The following TBKBP1 variants were observed in gnomAD, a reference collection of about 807,000 sequenced individuals.
TBKBP1 encodes TANK-binding kinase 1-binding protein 1.
In TBKBP1, 47 loss-of-function variants were observed where a neutral mutation model predicts 69.9. The observed-to-expected ratio is 0.67, with a 90% CI of 0.53 to 0.86. The LOEUF (loss-of-function observed/expected upper bound fraction) is 0.86, where lower values mean the gene tolerates loss of function less well. Among genes scored for constraint, TBKBP1 ranks in the 40% least tolerant of loss-of-function variants. The probability of loss-of-function intolerance (pLI) is 0.00; values close to 1 mark genes in which losing one functional copy is unlikely to be tolerated. For synonymous variants in TBKBP1, 418 were observed against 390.3 expected (o/e 1.07, Z -0.84); for missense variants, 831 against 858.6 (o/e 0.97, Z 0.40).
Position 47,708,553 on chromosome 17 carries a change from G to A in TBKBP1, c.991+41G>A, listed in dbSNP as rs2031780072. ...GCAGGGGGAGGCAGCCGCGGGACCC[G>A]GGAAGGAGCGGGTAGCCATGGCAAC... On this transcript the variant is annotated intron_variant, in intron 8 of 9. Transcript: ENST00000578982. This position sits in a 1 kb window ranked among gnomAD's most constrained non-coding sequence, Gnocchi z 4.4. 1.9e-6 allele frequency: 3 copies of A among 1,599,414 alleles called. No homozygotes were observed. In the Admixed American group the frequency reaches 5.0e-5, roughly 27 times the overall value.
In TBKBP1 at chr17:47,708,631, G is replaced by T; in HGVS notation, c.992-94G>T. ...TTTCCTTTCCTGTGGCCTGGAGTTG[G>T]TGGGCATGGGTCCGGGCAAGCCCCT... On this transcript the variant is annotated intron_variant, in intron 8 of 9. Transcript: ENST00000578982. The surrounding 1 kb of genome is among the most constrained non-coding windows in gnomAD (Gnocchi z 4.4). 1 of 1,420,194 alleles carries T rather than the reference G, an allele frequency of 7.0e-7. No homozygotes were observed. The highest frequency in any genetic ancestry group is 9.5e-7 in the Non-Finnish European group (1 of 1,051,212). The allele number at this position is 1,420,194 out of a possible 1,614,324, so 88.0% of individuals were successfully genotyped here. A position where few individuals can be genotyped will look rare whatever the true frequency, so the allele number is the denominator to read the frequency against.
intron 1 of TBKBP1, among the ~76,000 whole-genome samples, chr17:47,694,949 A>T (rs1358158090): frequency 1.3e-5 from 2 of 151,752 alleles, no homozygotes; most frequent in African/African-American, 4.8e-5. Context: ...AAGCTCCTGC[A>T]GCCCGACCTG....
At chr17:47,702,370 A>G (rs1248854924) in intron 7 of TBKBP1, among the ~76,000 whole-genome samples, 4 of 152,024 alleles carry the variant, frequency 2.6e-5, no homozygotes, top group African/African-American at 9.7e-5. Context: ...GGTACACCCA[A>G]TTCCTGAGTC....
chr17:47,696,673 C>G (rs368684042), intron 2 of TBKBP1, 38 bp from the exon 3 acceptor site: 1 of 1,613,382 alleles, frequency 6.2e-7, no homozygotes, highest in Non-Finnish European at 8.5e-7. Flanking sequence ...GCTGGGCACC[C>G]GGGAATCCAC....
intron 9 of TBKBP1, 150 bp downstream of exon 9, chr17:47,709,602 C>T (rs1567911472): frequency 1.7e-6 from 2 of 1,199,636 alleles, no homozygotes; most frequent in East Asian, 3.2e-5. Context: ...AGTCTAGGTC[C>T]TTTCACCTCC....
At chr17:47,694,240 CGGGCTGGGCCCCA>C (rs2031110151) in intron 1 of TBKBP1, 46 bp downstream of exon 1, 1 of 81,894 alleles carries the variant, frequency 1.2e-5, no homozygotes, top group Non-Finnish European at 2.4e-5. Context: ...GAGCGGCGCC[CGGGCTGGGCCCCA>C]GGGGTCGCGG....
intron 1 of TBKBP1, among the ~76,000 whole-genome samples, chr17:47,694,891 G>A (rs996288813): frequency 2.8e-5 from 4 of 144,234 alleles, no homozygotes; most frequent in African/African-American, 7.5e-5. Flanking sequence ...GTGGCGGAGG[G>A]GGGGGGGTGG....
chr17:47,699,272 C>G, intron 5 of TBKBP1, 48 bp from the exon 6 acceptor site: 4 of 1,459,406 alleles, frequency 2.7e-6, no homozygotes, highest in South Asian at 1.5e-5. Flanking sequence ...GCTCTGGGAG[C>G]TGGAGGAGGC....
chr17:47,698,825 C>G, intron 5 of TBKBP1, 50 bp downstream of exon 5: 2 of 1,464,914 alleles, frequency 1.4e-6, no homozygotes, highest in Non-Finnish European at 1.8e-6. Flanking sequence ...ACCCCCATTT[C>G]AACATTCCTA....
intron 2 of TBKBP1, 69 bp from the exon 3 acceptor site, chr17:47,696,635 TTGGGGGC>T: frequency 6.2e-7 from 1 of 1,605,816 alleles, no homozygotes; most frequent in Non-Finnish European, 8.5e-7. Flanking sequence ...AGGTTGTGGG[TTGGGGGC>T]ACAGCCAGGC....
intron 5 of TBKBP1, 145 bp from the exon 6 acceptor site, chr17:47,699,175 C>T: frequency 1.1e-6 from 1 of 889,892 alleles, no homozygotes; most frequent in East Asian, 3.1e-5. Flanking sequence ...TCTTTCCTCG[C>T]TGCCCTTGTC....
In TBKBP1 at chr17:47,708,388, C is replaced by T. The variant is rs1387566075; in HGVS notation, c.873-6C>T. 6.2e-7 allele frequency: 1 copy of T among 1,613,690 alleles called. No individual in the cohort carries two copies. The highest frequency in any genetic ancestry group is 1.3e-5 in the African/African-American group (1 of 74,914). On this transcript the variant is annotated splice_region_variant and splice_polypyrimidine_tract_variant and intron_variant, in intron 7 of 9. Coordinates refer to ENST00000578982, the MANE Select transcript of TBKBP1 (RefSeq NM_001394755.1). This position sits in a 1 kb window ranked among gnomAD's most constrained non-coding sequence, Gnocchi z 4.4. ...TCTCGTCTTTCCCACTGCCCTCTGA[C>T]TTCAGGGTGAATTTGGCGCTGGCCT...
chr17:47,706,828 GACACACACACACACAC>G (rs55849029), intron 7 of TBKBP1, among the ~76,000 whole-genome samples: 22 of 134,222 alleles, frequency 1.6e-4, no homozygotes, highest in South Asian at 2.5e-4. Context: ...GTTAGACTTA[GACACACACACACACAC>G]ACACACACAC....
At chr17:47,699,839 T>TG in intron 7 of TBKBP1, 142 bp downstream of exon 7, 1 of 879,690 alleles carries the variant, frequency 1.1e-6, no homozygotes, top group Non-Finnish European at 1.8e-6. Flanking sequence ...TTTTTTTTTT[T>TG]GAGATGGAGT....
At chr17:47,710,386 C>T (rs1042709196) in intron 9 of TBKBP1, 112 bp from the exon 10 acceptor site, 3 of 1,438,702 alleles carry the variant, frequency 2.1e-6, no homozygotes, top group Non-Finnish European at 2.8e-6. Flanking sequence ...GGCTGGACCC[C>T]TCCTGCATGC....
At chr17:47,695,247 C>T (rs2031175751) in intron 1 of TBKBP1, 1 of 153,004 alleles carries the variant, frequency 6.5e-6, no homozygotes, top group African/African-American at 2.4e-5. Context: ...CCCAGACACA[C>T]ATTCATAACC....
chr17:47,704,986 C>T (rs2031647028), intron 7 of TBKBP1, among the ~76,000 whole-genome samples: 1 of 152,230 alleles, frequency 6.6e-6, no homozygotes, highest in Admixed American at 6.5e-5. Context: ...CTGCTGTGTG[C>T]CACTGCCACT....
intron 4 of TBKBP1, 55 bp from the exon 5 acceptor site, chr17:47,698,540 A>G: frequency 6.7e-7 from 1 of 1,500,276 alleles, no homozygotes; most frequent in Non-Finnish European, 8.9e-7. Context: ...ATGACTCTCC[A>G]GACATGGGGA....
chr17:47,709,221 C>T lies in TBKBP1; in HGVS notation c.1488C>T (p.Leu496=). 6.5e-7 allele frequency: 1 copy of T among 1,527,026 alleles called. No individual in the cohort carries two copies. Among genetic ancestry groups the T allele is most frequent in the Non-Finnish European group, 8.7e-7 (1 of 1,146,710 alleles). The allele number at this position is 1,527,026 out of a possible 1,614,324, so 94.6% of individuals were successfully genotyped here. The change falls in exon 9 of 10, where the codon CTC becomes CTT. Residue 496 remains leucine, a synonymous_variant. Transcript: ENST00000578982. ...LPKPRAYGSE[L]YGPGRPLSPR... is the part of the protein sequence containing the mutation. ...AGCCCCGGGCCTACGGCAGCGAGCT[C>T]TACGGCCCTGGCAGGCCCCTCAGCC...
Sources: gnomAD v4.1 joint callset for allele counts (sites outside exome capture counted in the v4.1 genomes callset) on GRCh38, gnomAD v4.1.1 for gene constraint, Gnocchi (gnomAD v3.1) non-coding constraint, MANE v1.5 for transcripts, NCBI Gene and HGNC (gene_info 2026-07-23, HGNC 2026-07-21) for gene names.